Variants in UGGT2 observed in about 807,000 individuals in gnomAD.
UGGT2 encodes the protein UDP-glucose glycoprotein glucosyltransferase 2.
A neutral mutation model predicts 192.1 loss-of-function variants in UGGT2; 180 were observed. The observed-to-expected ratio is 0.94, with a 90% CI of 0.83 to 1.06. UGGT2 has a LOEUF of 1.06. Ranked by LOEUF, UGGT2 falls within the 50% of genes least tolerant of loss-of-function variation. The pLI is 0.00. For synonymous variants in UGGT2, 580 were observed against 591.0 expected (o/e 0.98, Z 0.27); for missense variants, 1,849 against 1,795.7 (o/e 1.03, Z -0.54).
intron 5 of UGGT2, among the ~76,000 whole-genome samples, chr13:96,000,436 G>A (rs893324765): frequency 3.3e-5 from 5 of 152,270 alleles, no homozygotes; most frequent in African/African-American, 9.6e-5. Context: ...TAACATTGCT[G>A]CCCACACTAA....
chr13:95,996,395 G>A (rs1335088897), intron 6 of UGGT2, among the ~76,000 whole-genome samples: 1 of 151,904 alleles, frequency 6.6e-6, no homozygotes. Flanking sequence ...CCAGCTACTT[G>A]GGAGGCAGGA....
intron 6 of UGGT2, among the ~76,000 whole-genome samples, chr13:95,998,006 T>C (rs1404284985): frequency 6.6e-6 from 1 of 152,160 alleles, no homozygotes; most frequent in Non-Finnish European, 1.5e-5. Context: ...CAGAAGTTCA[T>C]TTGGAAAGTA....
intron 4 of UGGT2, among the ~76,000 whole-genome samples, chr13:96,016,860 G>A (rs148469223): frequency 6.6e-6 from 1 of 152,260 alleles, no homozygotes; most frequent in Non-Finnish European, 1.5e-5. Flanking sequence ...AAACCCAGAG[G>A]TACTCAACCC....
chr13:95,994,586 T>C (rs954185986), intron 7 of UGGT2, among the ~76,000 whole-genome samples: 2 of 151,892 alleles, frequency 1.3e-5, no homozygotes, highest in African/African-American at 4.8e-5. Flanking sequence ...TTATATTCCA[T>C]GAATTGTTAA....
chr13:96,004,693 T>C (rs1435624880), intron 5 of UGGT2, among the ~76,000 whole-genome samples: 1 of 114,592 alleles, frequency 8.7e-6, no homozygotes, highest in Non-Finnish European at 1.7e-5. Flanking sequence ...CCCCCCAAAG[T>C]ATAATAATAA....
chr13:95,896,499 T>A (rs2047950855), intron 22 of UGGT2, among the ~76,000 whole-genome samples: 1 of 152,122 alleles, frequency 6.6e-6, no homozygotes, highest in African/African-American at 2.4e-5. Flanking sequence ...GAACAATGAA[T>A]CAGCAGTCTT....
chr13:95,899,120 C>T (rs2140275020), intron 22 of UGGT2, among the ~76,000 whole-genome samples: 1 of 152,274 alleles, frequency 6.6e-6, no homozygotes, highest in South Asian at 2.1e-4. Flanking sequence ...CTTCTACTTT[C>T]CACCATGTAA....
At chr13:95,929,725 T>C (rs2049177985) in intron 17 of UGGT2, among the ~76,000 whole-genome samples, 1 of 152,220 alleles carries the variant, frequency 6.6e-6, no homozygotes, top group Admixed American at 6.5e-5. Context: ...ACATCTTTGC[T>C]ATTATGAATA....
Position 95,968,161 on chromosome 13 carries a change from T to C in UGGT2, c.1335+1951A>G, listed in dbSNP as rs146398537. On this transcript the variant is annotated intron_variant, in intron 12 of 38. Coordinates refer to ENST00000376747, the MANE Select transcript of UGGT2 (RefSeq NM_020121.4). Reference sequence around the variant, plus strand: ...GTTTCATCATTAAAAATGATGTTTTTTGTTGTTTTCAGATAAATAGTTACT... The same window carrying C: ...GTTTCATCATTAAAAATGATGTTTTCTGTTGTTTTCAGATAAATAGTTACT... Among the ~76,000 whole-genome samples, 989 of 152,246 alleles carry C rather than the reference T, an allele frequency of 6.5e-3. 12 individuals carry two copies. The highest frequency in any genetic ancestry group is 0.023 in the African/African-American group (938 of 41,542).
intron 12 of UGGT2, among the ~76,000 whole-genome samples, chr13:95,959,341 C>T (rs1311226977): frequency 2.6e-5 from 4 of 152,170 alleles, no homozygotes; most frequent in Non-Finnish European, 5.9e-5. Flanking sequence ...ACTTCACCCT[C>T]TCCAGTAGCA....
At position 95,948,051 on chromosome 13, in the gene UGGT2, T is replaced by C. The variant is rs2049935286; in HGVS notation, c.1486A>G (p.Thr496Ala). 6.2e-7 allele frequency: 1 copy of C among 1,613,228 alleles called. No individual in the cohort carries two copies. Among genetic ancestry groups the C allele is most frequent in the African/African-American group, 1.3e-5 (1 of 75,010 alleles). Residue 496 changes from threonine (T) to alanine (A), a missense_variant, in exon 14 of 39, where the codon ACC becomes GCC. Coordinates refer to ENST00000376747, the MANE Select transcript of UGGT2 (RefSeq NM_020121.4). ...VLFIDPAQEYTLDFIKLADVF... is the reference protein window; with the variant it reads ...VLFIDPAQEYALDFIKLADVF... ...TCAGCAAGTTTTATAAAATCCAAGGTATATTCTTGGGCCGGATCAATAAAC... is the reference window on the plus strand; with the variant it reads ...TCAGCAAGTTTTATAAAATCCAAGGCATATTCTTGGGCCGGATCAATAAAC...
intron 2 of UGGT2, among the ~76,000 whole-genome samples, chr13:96,029,381 T>C (rs2052762867): frequency 6.6e-6 from 1 of 151,840 alleles, no homozygotes; most frequent in Non-Finnish European, 1.5e-5. Context: ...ATGCCTCCAG[T>C]GTTCAAGTGA....
chr13:95,850,543 C>T (rs545128038), intron 36 of UGGT2, among the ~76,000 whole-genome samples: 3 of 152,324 alleles, frequency 2.0e-5, no homozygotes, highest in Admixed American at 6.5e-5. Context: ...TCCAATGACA[C>T]AATGGGCACA....
At position 95,873,135 on chromosome 13, in the gene UGGT2, A is replaced by G. The variant is rs866073832; in HGVS notation, c.3473+4144T>C. ...ATGAAACGGTAGTGGCAGATATAGA[A>G]ATGCTGAATTCCTGGCAAAGCAGTT... On this transcript the variant is annotated intron_variant, in intron 29 of 38. Coordinates refer to ENST00000376747, the MANE Select transcript of UGGT2 (RefSeq NM_020121.4). 2.4e-4 allele frequency among the ~76,000 whole-genome samples: 37 copies of G among 152,326 alleles called. No homozygotes were observed. In the Middle Eastern group the frequency reaches 0.01, roughly 42 times the overall value.
At chr13:96,028,208 T>C (rs2052725198) in intron 2 of UGGT2, among the ~76,000 whole-genome samples, 1 of 152,226 alleles carries the variant, frequency 6.6e-6, no homozygotes, top group Non-Finnish European at 1.5e-5. Flanking sequence ...TACCGATATA[T>C]TTATATTTGG....
chr13:95,984,496 T>G (rs1267581915), intron 9 of UGGT2, among the ~76,000 whole-genome samples: 1 of 152,050 alleles, frequency 6.6e-6, no homozygotes, highest in Middle Eastern at 3.2e-3. Context: ...ATCCAGCTAA[T>G]TTTTCAATTT....
intron 38 of UGGT2, among the ~76,000 whole-genome samples, chr13:95,824,987 T>C (rs1025883217): frequency 3.3e-5 from 5 of 152,208 alleles, no homozygotes; most frequent in African/African-American, 1.2e-4. Context: ...TTAATGTTTA[T>C]TATAGCTTAA....
At chr13:95,970,091 A>C (rs760984128) in intron 12 of UGGT2, 21 bp downstream of exon 12, 1 of 1,590,022 alleles carries the variant, frequency 6.3e-7, no homozygotes, top group Non-Finnish European at 8.6e-7. Flanking sequence ...TTTTAGAACA[A>C]GGAATAGCAT....
intron 38 of UGGT2, among the ~76,000 whole-genome samples, chr13:95,832,102 T>C (rs1886768995): frequency 6.6e-6 from 1 of 152,010 alleles, no homozygotes. Flanking sequence ...TGAGACAGTT[T>C]ATACATAATC....
Sources: gnomAD v4.1 joint callset for allele counts (sites outside exome capture counted in the v4.1 genomes callset) on GRCh38, gnomAD v4.1.1 for gene constraint, MANE v1.5 for transcripts, NCBI Gene and HGNC (gene_info 2026-07-23, HGNC 2026-07-21) for gene names.